Variants in MMP7 observed in about 807,000 individuals in gnomAD.
MMP7 encodes the protein matrix metallopeptidase 7, also known as matrilysin.
Under a neutral mutation model 31.5 loss-of-function variants are expected in MMP7, and 26 were observed. The observed-to-expected ratio is 0.83, with a 90% CI of 0.61 to 1.15. The LOEUF is 1.15. Ranked by LOEUF, MMP7 falls within the 50% of genes most tolerant of loss-of-function variation. The pLI is 0.00. For missense variants in MMP7, 367 were observed against 326.5 expected (o/e 1.12, Z -0.96); for synonymous variants, 142 against 124.2 (o/e 1.14, Z -0.95).
At chr11:102,525,151 C>G (rs918771324) in intron 3 of MMP7, 87 bp from the exon 4 acceptor site, 25 of 1,484,262 alleles carry the variant, frequency 1.7e-5, no homozygotes, top group Non-Finnish European at 1.9e-5. Context: ...ATTATTGAGG[C>G]TAGAAAAAGC....
At position 102,527,411 on chromosome 11, in the gene MMP7, T is replaced by C. The variant is rs917621328; in HGVS notation, c.484+113A>G. 7 of 1,262,368 alleles carry C rather than the reference T, an allele frequency of 5.5e-6. No homozygotes were observed. In the African/African-American group the frequency reaches 1.0e-4, roughly 19 times the overall value. The allele number at this position is 1,262,368 out of a possible 1,614,324, so 78.2% of individuals were successfully genotyped here. On this transcript the variant is annotated intron_variant, in intron 3 of 5. Coordinates refer to ENST00000260227, the MANE Select transcript of MMP7 (RefSeq NM_002423.5). ...GCTAAATCTATCTATTAACTATCTA[T>C]CTACCAATCATATCTCATTAAAGGA...
intron 5 of MMP7, 40 bp downstream of exon 5, chr11:102,523,200 G>A (rs760552596): frequency 1.3e-6 from 2 of 1,506,942 alleles, no homozygotes; most frequent in Admixed American, 1.8e-5. Context: ...ACTCTAAAAA[G>A]AAAATGGGAA....
At position 102,528,016 on chromosome 11, in the gene MMP7, T is replaced by C. The variant is rs780909271; in HGVS notation, c.109-33A>G. 3.4e-6 allele frequency: 5 copies of C among 1,467,764 alleles called. No individual in the cohort carries two copies. In the East Asian group the frequency reaches 9.2e-5, roughly 27 times the overall value. 90.9% of individuals were successfully genotyped at this position (1,467,764 alleles called of 1,614,324 possible). On this transcript the variant is annotated intron_variant, in intron 1 of 5. Transcript: ENST00000260227. ...AAAGAGAGTAATTAATCTATAGTTC[T>C]TGTTTATTATATTCTTTTATCTTAG...
chr11:102,522,812 T>C (rs1055242810), intron 5 of MMP7, among the ~76,000 whole-genome samples: 2 of 152,172 alleles, frequency 1.3e-5, no homozygotes, highest in Admixed American at 1.3e-4. Flanking sequence ...TTTCTCTACA[T>C]GTACGTGCAA....
Position 102,527,758 on chromosome 11 carries a change from T to A in MMP7, c.334A>T (p.Arg112Trp). ...AAAATGAGCCAGAGCAAAACTAACC[T>A]GTAGGTGACCACTTTGGAAGTCCAT... ...PKWTSKVVTY[R>W]IVSYTRDLPH... The change falls in exon 2 of 6, where the codon AGG becomes TGG. Residue 112 changes from arginine to tryptophan, a missense_variant and splice_region_variant. Transcript: ENST00000260227. The A allele has an allele frequency of 1.2e-6, 2 of 1,614,168 alleles. No individual in the cohort carries two copies. Among genetic ancestry groups the A allele is most frequent in the South Asian group, 1.1e-5 (1 of 91,072 alleles).
chr11:102,522,623 C>T (rs1858625263), intron 5 of MMP7, among the ~76,000 whole-genome samples: 1 of 152,130 alleles, frequency 6.6e-6, no homozygotes, highest in Non-Finnish European at 1.5e-5. Context: ...TATTCTTGTC[C>T]TTTGATTTCT....
intron 3 of MMP7, among the ~76,000 whole-genome samples, chr11:102,525,854 A>T (rs1858664505): frequency 6.6e-6 from 1 of 151,868 alleles, no homozygotes; most frequent in African/African-American, 2.4e-5. Flanking sequence ...ATCTCTTAAA[A>T]TGGCTTTTTA....
At chr11:102,522,349 A>T (rs1199920759) in intron 5 of MMP7, among the ~76,000 whole-genome samples, 1 of 152,244 alleles carries the variant, frequency 6.6e-6, no homozygotes, top group Non-Finnish European at 1.5e-5. Flanking sequence ...TTTGCAGTGT[A>T]TTCTCTTCAT....
At chr11:102,525,454 T>TAAAAAA (rs370239404) in intron 3 of MMP7, among the ~76,000 whole-genome samples, 1 of 138,040 alleles carries the variant, frequency 7.2e-6, no homozygotes. Context: ...AAAAATAAAT[T>TAAAAAA]AAAAAAAAAA....
intron 3 of MMP7, 142 bp from the exon 4 acceptor site, chr11:102,525,206 G>A: frequency 2.1e-6 from 2 of 961,906 alleles, no homozygotes; most frequent in East Asian, 2.8e-5. Context: ...GCGAGGCCGA[G>A]GTGGGCGGAT....
At chr11:102,527,367 TA>T in intron 3 of MMP7, 156 bp downstream of exon 3, 1 of 967,190 alleles carries the variant, frequency 1.0e-6, no homozygotes, top group Non-Finnish European at 1.5e-6. Context: ...TACCAGATTA[TA>T]AAAATTATAA....
Position 102,527,829 on chromosome 11 carries a change from C to G in MMP7, c.263G>C (p.Gly88Ala), listed in dbSNP as rs779964507. ...TGAGTATTCTGCAACATCTGGCACT[C>G]CACATCTGGGCTTCTGCATTATTTC... ...VIEIMQKPRC[G>A]VPDVAEYSLF... Residue 88 changes from glycine to alanine, a missense_variant, in exon 2 of 6, where the codon GGA becomes GCA. Coordinates refer to ENST00000260227, the MANE Select transcript of MMP7 (RefSeq NM_002423.5). The G allele has an allele frequency of 6.2e-7, 1 of 1,614,142 alleles. No individual in the cohort carries two copies. The highest frequency in any genetic ancestry group is 2.2e-5 in the East Asian group (1 of 44,880).
intron 1 of MMP7, among the ~76,000 whole-genome samples, chr11:102,528,543 G>T (rs974657642): frequency 6.6e-6 from 1 of 152,164 alleles, no homozygotes; most frequent in Non-Finnish European, 1.5e-5. Flanking sequence ...TATGTGCCCA[G>T]GTTCACACCT....
chr11:102,524,978 G>A lies in MMP7; in HGVS notation c.571C>T (p.His191Tyr). ...GTCCAGCGTTCATCCTCATCGAAGT[G>A]AGCATCTCCTCCGAGACCTGTCCCA... ...APGTGLGGDA[H>Y]FDEDERWTDG... The change falls in exon 4 of 6, where the codon CAC becomes TAC. Residue 191 changes from histidine (H) to tyrosine (Y), a missense_variant. Coordinates refer to ENST00000260227, the MANE Select transcript of MMP7 (RefSeq NM_002423.5). The A allele has an allele frequency of 1.2e-6, 2 of 1,614,084 alleles. No individual in the cohort carries two copies. Among genetic ancestry groups the A allele is most frequent in the Non-Finnish European group, 8.5e-7 (1 of 1,180,008 alleles).
intron 3 of MMP7, among the ~76,000 whole-genome samples, chr11:102,525,272 T>C (rs1858657227): frequency 1.3e-5 from 2 of 152,028 alleles, no homozygotes. Context: ...ACCCCGTCTC[T>C]ACTAAAAATA....
At position 102,527,599 on chromosome 11, in the gene MMP7, C is replaced by T. The variant is rs1344693093; in HGVS notation, c.409G>A (p.Gly137Ser). The change falls in exon 3 of 6, where the codon GGC (glycine) becomes AGC (serine). Residue 137 changes from glycine to serine, a missense_variant. By Grantham distance (56) the Gly-to-Ser change is moderately conservative. Coordinates refer to ENST00000260227, the MANE Select transcript of MMP7 (RefSeq NM_002423.5). ...RLVSKALNMWGKEIPLHFRKV... is the reference protein window; with the variant it reads ...RLVSKALNMWSKEIPLHFRKV... ...CTGAAATGCAGGGGGATCTCTTTGCCCCACATGTTTAAAGCCTTTGACACT... is the reference window on the plus strand; with the variant it reads ...CTGAAATGCAGGGGGATCTCTTTGCTCCACATGTTTAAAGCCTTTGACACT... 6 of 1,614,006 alleles carry T rather than the reference C, an allele frequency of 3.7e-6. No individual in the cohort carries two copies. Among genetic ancestry groups the T allele is most frequent in the South Asian group, 1.1e-5 (1 of 91,064 alleles).
Position 102,527,956 on chromosome 11 carries a change from C to T in MMP7, c.136G>A (p.Asp46Asn). The T allele has an allele frequency of 6.2e-6, 10 of 1,613,726 alleles. No homozygotes were observed. Among genetic ancestry groups the T allele is most frequent in the Non-Finnish European group, 8.5e-6 (10 of 1,179,898 alleles). Residue 46 changes from aspartate to asparagine, a missense_variant, in exon 2 of 6, where the codon GAC becomes AAC. By Grantham distance (23) the Asp-to-Asn change is conservative. Transcript: ENST00000260227. ...QDYLKRFYLY[D>N]SETKNANSLE... ...CTGTTGGCATTTTTTGTTTCTGAGT[C>T]ATAGAGATAAAATCTCTTGAGATAG... is the stretch of plus-strand genomic sequence containing the variant.
chr11:102,521,000 A>G (rs1358774442), intron 5 of MMP7, among the ~76,000 whole-genome samples, 196 bp from the exon 6 acceptor site: 3 of 152,216 alleles, frequency 2.0e-5, no homozygotes, highest in Admixed American at 2.0e-4. Context: ...GTGTGGGCCC[A>G]GGGCTCAGGT....
intron 1 of MMP7, 124 bp from the exon 2 acceptor site, chr11:102,528,107 A>G: frequency 1.4e-6 from 1 of 718,346 alleles, no homozygotes; most frequent in South Asian, 2.0e-5. Flanking sequence ...CAGAATAATT[A>G]CATAGTCACA....
Sources: allele counts gnomAD v4.1 joint callset (sites outside exome capture counted in the v4.1 genomes callset), GRCh38; gene constraint gnomAD v4.1.1; transcripts MANE v1.5; gene names NCBI Gene and HGNC (gene_info 2026-07-23, HGNC 2026-07-21).